The following UGT1A8 variants were observed in gnomAD, a reference collection of about 807,000 sequenced individuals.
The protein encoded by UGT1A8 is UDP-glucuronosyltransferase 1A8.
In UGT1A8, 39 loss-of-function variants were observed where a neutral mutation model predicts 45.3. That is an observed-to-expected ratio of 0.86 (90% CI 0.67 to 1.12). UGT1A8 has a LOEUF of 1.12. Ranked by LOEUF, UGT1A8 falls within the 50% of genes most tolerant of loss-of-function variation. The pLI, the probability that UGT1A8 is intolerant of heterozygous loss-of-function variation, is 0.00. For missense variants in UGT1A8, 719 were observed against 664.9 expected (o/e 1.08, Z -0.90); for synonymous variants, 275 against 249.2 (o/e 1.10, Z -0.97).
chr2:233,761,137 A>T, intron 1 of UGT1A8: 2 of 1,614,180 alleles, frequency 1.2e-6, no homozygotes, highest in Non-Finnish European at 1.7e-6. Flanking sequence ...CCTTCACCAA[A>T]ATCCACTATC....
At chr2:233,713,875 T>G (rs1454259266) in intron 1 of UGT1A8, 1 of 1,613,754 alleles carries the variant, frequency 6.2e-7, no homozygotes, top group Admixed American at 1.7e-5. Context: ...ATTGGTGCCT[T>G]TATCCAATCA....
intron 1 of UGT1A8, chr2:233,743,635 G>C: frequency 1.5e-6 from 2 of 1,367,296 alleles, no homozygotes; most frequent in Non-Finnish European, 2.0e-6. Flanking sequence ...CGGCTGGGTC[G>C]CGGAAGCTGA....
At chr2:233,705,468 CAT>C (rs1165661174) in intron 1 of UGT1A8, among the ~76,000 whole-genome samples, 1 of 152,140 alleles carries the variant, frequency 6.6e-6, no homozygotes, top group African/African-American at 2.4e-5. Context: ...AGCAGACACA[CAT>C]GAGGCAAATT....
At chr2:233,688,755 A>G (rs1007191956) in intron 1 of UGT1A8, among the ~76,000 whole-genome samples, 1 of 152,224 alleles carries the variant, frequency 6.6e-6, no homozygotes, top group Non-Finnish European at 1.5e-5. Context: ...GCCATAATCA[A>G]ATGAACATGG....
intron 1 of UGT1A8, among the ~76,000 whole-genome samples, chr2:233,660,539 C>T (rs17868318): frequency 0.039 from 5,895 of 152,242 alleles, 145 homozygotes; most frequent in Non-Finnish European, 0.061. Context: ...GTTGTACTGG[C>T]CTTCTTGTTC....
intron 1 of UGT1A8, chr2:233,743,980 G>A (rs1692624028): frequency 1.2e-5 from 15 of 1,302,748 alleles, no homozygotes; most frequent in African/African-American, 1.5e-5. Flanking sequence ...CCAGCACCCA[G>A]GCGCAGGCCC....
chr2:233,647,132 T>G (rs895547283), intron 1 of UGT1A8, among the ~76,000 whole-genome samples: 21 of 152,298 alleles, frequency 1.4e-4, no homozygotes, highest in Non-Finnish European at 2.9e-4. Context: ...TCGTGAGACT[T>G]ACTTACTACT....
chr2:233,768,874 G>A (rs1264130017), intron 4 of UGT1A8, among the ~76,000 whole-genome samples: 1 of 151,996 alleles, frequency 6.6e-6, no homozygotes, highest in East Asian at 1.9e-4. Flanking sequence ...ATGAGCCAGC[G>A]CGTCTGACCT....
chr2:233,755,200 G>A (rs1575733621), intron 1 of UGT1A8: 14 of 1,105,580 alleles, frequency 1.3e-5, no homozygotes, highest in South Asian at 8.5e-5. Flanking sequence ...GCCAGCTTGC[G>A]GTACGCCTTC....
intron 1 of UGT1A8, among the ~76,000 whole-genome samples, chr2:233,664,408 T>G (rs1178658405): frequency 6.6e-6 from 1 of 152,182 alleles, no homozygotes; most frequent in Non-Finnish European, 1.5e-5. Context: ...GGTACCAATT[T>G]TCTACCCTTC....
At chr2:233,660,704 C>T (rs373276702) in intron 1 of UGT1A8, among the ~76,000 whole-genome samples, 2 of 152,138 alleles carry the variant, frequency 1.3e-5, no homozygotes, top group Admixed American at 1.3e-4. Flanking sequence ...AATCCTCGTG[C>T]CCGCTTCTCT....
intron 1 of UGT1A8, among the ~76,000 whole-genome samples, chr2:233,655,759 C>G (rs2924450): frequency 0.76 from 115,052 of 151,430 alleles, 43,812 homozygotes; most frequent in Non-Finnish European, 0.8. Context: ...TCACAGAGCC[C>G]CATCCCTGCA....
chr2:233,634,008 G>A (rs763301492), intron 1 of UGT1A8, among the ~76,000 whole-genome samples: 8 of 152,160 alleles, frequency 5.3e-5, no homozygotes, highest in Admixed American at 5.2e-4. Flanking sequence ...GGTAGGTTGT[G>A]TCTTTGTTCT....
At chr2:233,664,934 A>G (rs988136147) in intron 1 of UGT1A8, among the ~76,000 whole-genome samples, 1 of 152,256 alleles carries the variant, frequency 6.6e-6, no homozygotes, top group African/African-American at 2.4e-5. Context: ...AGTTGCATTT[A>G]AAGATACTCT....
intron 1 of UGT1A8, chr2:233,719,272 C>T (rs1269795663): frequency 6.2e-7 from 1 of 1,614,132 alleles, no homozygotes; most frequent in Admixed American, 1.7e-5. Flanking sequence ...GTGGTTTTAA[C>T]AGACCCCGTT....
intron 1 of UGT1A8, among the ~76,000 whole-genome samples, chr2:233,766,079 G>A (rs1159217409): frequency 1.3e-5 from 2 of 152,140 alleles, no homozygotes; most frequent in East Asian, 1.9e-4. Flanking sequence ...CTACCTTGTC[G>A]CAAGGACAGA....
chr2:233,761,981 G>A (rs1697924435), intron 1 of UGT1A8, among the ~76,000 whole-genome samples: 1 of 152,178 alleles, frequency 6.6e-6, no homozygotes, highest in African/African-American at 2.4e-5. Context: ...CACCTTCGGA[G>A]GTGACCTTAT....
At chr2:233,645,568 G>A (rs2073578460) in intron 1 of UGT1A8, among the ~76,000 whole-genome samples, 1 of 152,196 alleles carries the variant, frequency 6.6e-6, no homozygotes, top group South Asian at 2.1e-4. Context: ...CATTCCAACT[G>A]GGAAAAATTG....
intron 1 of UGT1A8, among the ~76,000 whole-genome samples, chr2:233,633,433 C>G (rs115061010): frequency 2.0e-5 from 3 of 152,098 alleles, no homozygotes; most frequent in Non-Finnish European, 4.4e-5. Context: ...GTGAACTCAT[C>G]TGGTCCTGGG....
Sources: allele counts gnomAD v4.1 joint callset (sites outside exome capture counted in the v4.1 genomes callset), GRCh38; gene constraint gnomAD v4.1.1; transcripts MANE v1.5; gene names NCBI Gene and HGNC (gene_info 2026-07-23, HGNC 2026-07-21).